TRIM36: variants seen among roughly 807,000 people sequenced by gnomAD.
TRIM36 encodes E3 ubiquitin-protein ligase TRIM36.
In TRIM36, 42 loss-of-function variants were observed where a neutral mutation model predicts 72.4. The ratio of observed to expected loss-of-function variants is 0.58; its 90% CI spans 0.45 to 0.75. The LOEUF is 0.75. Among genes scored for constraint, TRIM36 ranks in the 30% least tolerant of loss-of-function variants. TRIM36 has a pLI of 0.00. For missense variants in TRIM36, 913 were observed against 857.1 expected, an observed-to-expected ratio of 1.07 and a Z score of -0.81; for synonymous variants, 315 against 282.8, an observed-to-expected ratio of 1.11 and a Z score of -1.14.
chr5:115,165,340 G>A (rs73251570), intron 1 of TRIM36, among the ~76,000 whole-genome samples: 3,744 of 152,302 alleles, frequency 0.025, 156 homozygotes, highest in African/African-American at 0.085. Context: ...TTCTCCATGA[G>A]AGCTTCGCCC....
chr5:115,132,388 C>G (rs1028877334), intron 8 of TRIM36, among the ~76,000 whole-genome samples: 5 of 151,508 alleles, frequency 3.3e-5, no homozygotes, highest in Non-Finnish European at 7.4e-5. Flanking sequence ...CAAAAATTAG[C>G]CAGGCATGCT....
Position 115,129,662 on chromosome 5 carries a change from C to T in TRIM36, c.1796+930G>A, listed in dbSNP as rs1752544673. On this transcript the variant is annotated intron_variant, in intron 9 of 9. Coordinates refer to ENST00000513154, the MANE Select transcript of TRIM36 (RefSeq NM_001300759.2). Reference sequence around the variant, plus strand: ...TGTAAAATAATGCAAGAGAAAAAAGCATGTTTCATTCTCATCCTAAGAACT... The same window carrying T: ...TGTAAAATAATGCAAGAGAAAAAAGTATGTTTCATTCTCATCCTAAGAACT... Among the ~76,000 whole-genome samples, 3 of 152,172 alleles carry T rather than the reference C, an allele frequency of 2.0e-5. No individual in the cohort carries two copies. In the South Asian group the frequency reaches 6.2e-4, roughly 32 times the overall value.
At position 115,126,730 on chromosome 5, in the gene TRIM36, C is replaced by G. The variant is rs1259112957; in HGVS notation, c.1924G>C (p.Glu642Gln). The change falls in exon 10 of 10, where the codon GAA (glutamate) becomes CAA (glutamine). Residue 642 changes from glutamate (E) to glutamine (Q), a missense_variant. Physicochemically the swap from Glu to Gln is conservative, Grantham distance 29. Transcript: ENST00000513154. Reference protein sequence around the residue: ...FIPKSPTSSNEPENRVLPMPT... With the variant: ...FIPKSPTSSNQPENRVLPMPT... ...ATAGGGAGAACTCTATTTTCAGGTT[C>G]ATTAGAAGAAGTAGGTGACTTGGGT... 6.2e-7 allele frequency: 1 copy of G among 1,614,008 alleles called. No individual in the cohort carries two copies. Among genetic ancestry groups the G allele is most frequent in the African/African-American group, 1.3e-5 (1 of 74,900 alleles).
At chr5:115,127,434 G>A (rs1297698476) in intron 9 of TRIM36, among the ~76,000 whole-genome samples, 2 of 152,190 alleles carry the variant, frequency 1.3e-5, no homozygotes, top group Non-Finnish European at 1.5e-5. Flanking sequence ...GGTGGTGTAC[G>A]CTTGTAGTCT....
intron 2 of TRIM36, among the ~76,000 whole-genome samples, chr5:115,162,959 C>A (rs920516747): frequency 1.4e-5 from 2 of 142,254 alleles, no homozygotes. Flanking sequence ...ACAAACATAG[C>A]TTTTTTTTTT....
At chr5:115,134,190 A>G (rs553657398) in intron 7 of TRIM36, 43 bp from the exon 8 acceptor site, 1 of 1,490,570 alleles carries the variant, frequency 6.7e-7, no homozygotes, top group South Asian at 1.4e-5. Flanking sequence ...AAATATTGAC[A>G]TTTGAAAACC....
chr5:115,126,750 T>C lies in TRIM36; in HGVS notation c.1904A>G (p.Lys635Arg), dbSNP rs749674589. The C allele has an allele frequency of 9.9e-6, 16 of 1,614,044 alleles. No homozygotes were observed. The highest frequency in any genetic ancestry group is 3.3e-4 in the Middle Eastern group (2 of 6,084). The change falls in exon 10 of 10, where the codon AAG (lysine) becomes AGG (arginine). Residue 635 changes from lysine to arginine, a missense_variant. By Grantham distance (26) the Lys-to-Arg change is conservative (BLOSUM62 2). Transcript: ENST00000513154. ...TIGMQKFFIP[K>R]SPTSSNEPEN... ...AGGTTCATTAGAAGAAGTAGGTGAC[T>C]TGGGTATAAAAAATTTCTGCATGCC...
At chr5:115,170,266 C>CGCTGCAGCAGAGCAGCCG (rs1332524341), upstream of TRIM36, among the ~76,000 whole-genome samples, 1 of 152,128 alleles carries the variant, frequency 6.6e-6, no homozygotes, top group South Asian at 2.1e-4. Flanking sequence ...GGGGAGGCTC[C>CGCTGCAGCAGAGCAGCCG]GCTGCAGCAG....
intron 7 of TRIM36, among the ~76,000 whole-genome samples, chr5:115,136,024 G>A (rs1193315883): frequency 6.6e-6 from 1 of 152,028 alleles, no homozygotes; most frequent in Admixed American, 6.6e-5. Context: ...AAGAAAAAAA[G>A]GCAAGGAAGA....
In TRIM36 at chr5:115,126,336, G is replaced by A. The variant is rs976534951; in HGVS notation, c.*167C>T. ...CATCATTTGTGAAAGGCAGAACAAC[G>A]ACATGAAGACACAAGGCTGTTTAGA... is the stretch of plus-strand genomic sequence containing the variant. On this transcript the variant is annotated 3_prime_UTR_variant, in exon 10 of 10. Transcript: ENST00000513154. 5 of 576,784 alleles carry A rather than the reference G, an allele frequency of 8.7e-6. No homozygotes were observed. The highest frequency in any genetic ancestry group is 4.5e-4 in the Middle Eastern group (1 of 2,212). The allele number at this position is 576,784 out of a possible 1,614,324, so 35.7% of individuals were successfully genotyped here.
At chr5:115,136,222 A>T (rs1752957134) in intron 7 of TRIM36, among the ~76,000 whole-genome samples, 1 of 152,076 alleles carries the variant, frequency 6.6e-6, no homozygotes. Context: ...AAATTAAATT[A>T]AAATCAGGTC....
At chr5:115,180,212 A>G, upstream of TRIM36, 1 of 585,838 alleles carries the variant, frequency 1.7e-6, no homozygotes, top group Non-Finnish European at 2.9e-6. Context: ...GGTGAAATGA[A>G]GGCCATCGAG....
chr5:115,159,896 G>C (rs1274838306), intron 2 of TRIM36, among the ~76,000 whole-genome samples: 1 of 151,798 alleles, frequency 6.6e-6, no homozygotes, highest in Non-Finnish European at 1.5e-5. Context: ...GCACTTAAGA[G>C]ACAATACTTT....
At chr5:115,147,450 A>T (rs1753654366) in intron 2 of TRIM36, 56 bp from the exon 3 acceptor site, 2 of 1,546,502 alleles carry the variant, frequency 1.3e-6, no homozygotes, top group African/African-American at 2.7e-5. Context: ...GATTAGAATG[A>T]AGAAAAGAGG....
chr5:115,163,833 G>T, intron 1 of TRIM36, 81 bp from the exon 2 acceptor site: 2 of 1,055,400 alleles, frequency 1.9e-6, no homozygotes, highest in Non-Finnish European at 2.8e-6. Flanking sequence ...ATAAGTACAT[G>T]TGTTTATTTT....
intron 1 of TRIM36, among the ~76,000 whole-genome samples, chr5:115,175,189 C>T (rs569465268): frequency 1.3e-5 from 2 of 151,610 alleles, no homozygotes; most frequent in South Asian, 4.2e-4. Context: ...AATTCAAATT[C>T]AAGTCTACAT....
chr5:115,170,832 G>GGCACCCCC (rs895794765), upstream of TRIM36, among the ~76,000 whole-genome samples: 5 of 152,214 alleles, frequency 3.3e-5, no homozygotes, highest in African/African-American at 1.2e-4. Context: ...GAGCGGCTCC[G>GGCACCCCC]GCACCCCCGC....
chr5:115,177,176 C>T (rs1320083301), intron 1 of TRIM36: 2 of 152,574 alleles, frequency 1.3e-5, no homozygotes, highest in African/African-American at 4.8e-5. Flanking sequence ...TGGGCATGAA[C>T]TTAGACTTTT....
intron 4 of TRIM36, among the ~76,000 whole-genome samples, chr5:115,143,973 G>C (rs112471626): frequency 0.048 from 7,306 of 152,000 alleles, 639 homozygotes; most frequent in African/African-American, 0.17. Context: ...TGGGTTCACA[G>C]CATTCTCCTG....
Sources: gnomAD v4.1 joint callset for allele counts (sites outside exome capture counted in the v4.1 genomes callset) on GRCh38, gnomAD v4.1.1 for gene constraint, MANE v1.5 for transcripts, NCBI Gene and HGNC (gene_info 2026-07-23, HGNC 2026-07-21) for gene names.